LUZP2: variants seen among roughly 807,000 people sequenced by gnomAD.
LUZP2 encodes leucine zipper protein 2.
LUZP2 carries 52 observed loss-of-function variants against 51.6 expected under a neutral mutation model. That is an observed-to-expected ratio of 1.01 (90% confidence interval 0.81 to 1.27). The LOEUF (loss-of-function observed/expected upper bound fraction) is 1.27. Among genes scored for constraint, LUZP2 ranks in the 50% most tolerant of loss-of-function variants. The pLI is 0.00. For missense variants in LUZP2, 436 were observed against 395.4 expected (o/e 1.10, Z -0.87); for synonymous variants, 154 against 137.3 (o/e 1.12, Z -0.85).
rs142815517 is a variant in LUZP2, at chr11:24,609,015, C to A, written c.62+111710C>A. Among the ~76,000 whole-genome samples, 52 of 152,128 alleles carry A rather than the reference C, an allele frequency of 3.4e-4. 1 individual carries two copies. In the East Asian group the frequency reaches 9.7e-3, roughly 28 times the overall value. ...TAAAAATACAAAGTGGAGATGACTT[C>A]TGAAATGGTAACGTAACATCCAGAT... On this transcript the variant is annotated intron_variant, in intron 1 of 11. Coordinates refer to ENST00000336930, the MANE Select transcript of LUZP2 (RefSeq NM_001009909.4).
chr11:24,865,534 T>C (rs555816898), intron 5 of LUZP2, among the ~76,000 whole-genome samples: 1 of 152,298 alleles, frequency 6.6e-6, no homozygotes, highest in East Asian at 1.9e-4. Context: ...GCACAGGCTA[T>C]AGGCAGGAGT....
chr11:24,875,379 T>C (rs1212086666), intron 5 of LUZP2, among the ~76,000 whole-genome samples: 1 of 148,906 alleles, frequency 6.7e-6, no homozygotes, highest in Admixed American at 6.8e-5. Flanking sequence ...TGCAATAGTT[T>C]ACTGAGAATG....
At chr11:24,501,825 G>A (rs963533747) in intron 1 of LUZP2, among the ~76,000 whole-genome samples, 2 of 151,976 alleles carry the variant, frequency 1.3e-5, no homozygotes, top group East Asian at 3.9e-4. Context: ...AACAAAATTG[G>A]GTAAATAACA....
intron 5 of LUZP2, among the ~76,000 whole-genome samples, chr11:24,840,219 C>A (rs887916826): frequency 6.6e-6 from 1 of 151,754 alleles, no homozygotes; most frequent in African/African-American, 2.4e-5. Flanking sequence ...TCAACCCTTT[C>A]TTCTTATGTC....
At chr11:24,569,569 G>T (rs556138872) in intron 1 of LUZP2, among the ~76,000 whole-genome samples, 1 of 152,048 alleles carries the variant, frequency 6.6e-6, no homozygotes, top group East Asian at 1.9e-4. Flanking sequence ...TTCTCTACAT[G>T]CCAATGAAAA....
intron 5 of LUZP2, among the ~76,000 whole-genome samples, chr11:24,801,826 A>G (rs753169868): frequency 2.7e-5 from 4 of 150,912 alleles, no homozygotes; most frequent in Non-Finnish European, 5.9e-5. Context: ...ACTTGGCTCT[A>G]CCACTTAATA....
intron 9 of LUZP2, among the ~76,000 whole-genome samples, chr11:25,011,307 T>G (rs1388388603): frequency 6.6e-6 from 1 of 152,194 alleles, no homozygotes. Flanking sequence ...ATAAACTTAT[T>G]CTATCATGTT....
chr11:24,557,881 G>A (rs1328601878), intron 1 of LUZP2, among the ~76,000 whole-genome samples: 4 of 152,014 alleles, frequency 2.6e-5, no homozygotes, highest in Non-Finnish European at 5.9e-5. Flanking sequence ...TGCTGAGCCC[G>A]TTTCTCTTCT....
chr11:24,962,900 C>T (rs574309240), intron 7 of LUZP2, among the ~76,000 whole-genome samples: 1 of 152,112 alleles, frequency 6.6e-6, no homozygotes, highest in South Asian at 2.1e-4. Flanking sequence ...GTTTTGTCTA[C>T]TTTTGGTCTT....
chr11:24,694,354 A>C (rs1401341000), intron 1 of LUZP2, among the ~76,000 whole-genome samples: 1 of 152,100 alleles, frequency 6.6e-6, no homozygotes, highest in Non-Finnish European at 1.5e-5. Flanking sequence ...GCCTTTGCTT[A>C]AATCTTACTG....
At chr11:24,631,425 T>TG (rs1854886024) in intron 1 of LUZP2, among the ~76,000 whole-genome samples, 2 of 151,586 alleles carry the variant, frequency 1.3e-5, no homozygotes, top group Non-Finnish European at 2.9e-5. Context: ...TTTCATATCA[T>TG]GAGGTGGTGC....
At chr11:24,986,327 GC>G (rs1406218832) in intron 9 of LUZP2, among the ~76,000 whole-genome samples, 6 of 151,628 alleles carry the variant, frequency 4.0e-5, no homozygotes, top group African/African-American at 1.4e-4. Flanking sequence ...ACTATATAGT[GC>G]CATAATCTGT....
chr11:24,892,228 G>C lies in LUZP2; in HGVS notation c.397-13763G>C, dbSNP rs1467194398. The C allele has an allele frequency of 1.7e-5, 17 of 985,516 alleles. No individual in the cohort carries two copies. The South Asian group carries it at 5.6e-4, about 33-fold the overall frequency. 61.0% of individuals were successfully genotyped at this position (985,516 alleles called of 1,614,324 possible). On this transcript the variant is annotated intron_variant, in intron 5 of 11. Coordinates refer to ENST00000336930, the MANE Select transcript of LUZP2 (RefSeq NM_001009909.4). ...TGAGGAAAAATGTGTATTTCTCCCA[G>C]ATTCAGCCTATATTTATCCTGATGT...
chr11:24,875,184 G>T (rs1852206696), intron 5 of LUZP2, among the ~76,000 whole-genome samples: 1 of 150,680 alleles, frequency 6.6e-6, no homozygotes, highest in African/African-American at 2.4e-5. Flanking sequence ...CATGTGCCAT[G>T]CTGGTGTGCT....
intron 9 of LUZP2, among the ~76,000 whole-genome samples, chr11:25,010,383 G>A (rs1180065721): frequency 1.3e-5 from 2 of 151,616 alleles, no homozygotes; most frequent in African/African-American, 2.4e-5. Flanking sequence ...GTGAAACCCT[G>A]TCTCTACTAA....
intron 1 of LUZP2, among the ~76,000 whole-genome samples, chr11:24,653,037 G>T (rs1855678554): frequency 6.6e-6 from 1 of 152,128 alleles, no homozygotes; most frequent in Admixed American, 6.6e-5. Context: ...TAGTAGTAGT[G>T]GTGGGGAACA....
chr11:24,508,014 T>C (rs1392016632), intron 1 of LUZP2, among the ~76,000 whole-genome samples: 1 of 151,500 alleles, frequency 6.6e-6, no homozygotes, highest in Non-Finnish European at 1.5e-5. Flanking sequence ...AAATGAATAG[T>C]ACTTAGCAAT....
At chr11:24,949,379 A>G (rs558254883) in intron 7 of LUZP2, among the ~76,000 whole-genome samples, 2 of 151,644 alleles carry the variant, frequency 1.3e-5, no homozygotes, top group South Asian at 4.2e-4. Flanking sequence ...AATGATTTCT[A>G]TGACAAACAT....
intron 1 of LUZP2, among the ~76,000 whole-genome samples, chr11:24,598,945 C>A (rs568900924): frequency 1.3e-5 from 2 of 152,100 alleles, no homozygotes; most frequent in African/African-American, 4.8e-5. Flanking sequence ...ATTCAAACGG[C>A]CAAATGTTTT....
Sources: gnomAD v4.1 joint callset for allele counts (sites outside exome capture counted in the v4.1 genomes callset) on GRCh38, gnomAD v4.1.1 for gene constraint, MANE v1.5 for transcripts, NCBI Gene and HGNC (gene_info 2026-07-23, HGNC 2026-07-21) for gene names.